FAT3: variants seen among roughly 807,000 people sequenced by gnomAD.
FAT3 encodes the protein protocadherin Fat 3.
Under a neutral mutation model 310.2 loss-of-function variants are expected in FAT3, and 95 were observed. The ratio of observed to expected loss-of-function variants is 0.31; its 90% CI spans 0.26 to 0.36. The LOEUF (loss-of-function observed/expected upper bound fraction) is 0.36. Ranked by LOEUF, FAT3 falls within the 10% of genes least tolerant of loss-of-function variation. FAT3 has a pLI of 1.00. For missense variants in FAT3, 5,408 were observed against 5,715.6 expected, an observed-to-expected ratio of 0.95 and a Z score of 1.74; for synonymous variants, 2,314 against 2,192.9, an observed-to-expected ratio of 1.06 and a Z score of -1.54.
chr11:92,890,199 G>C (rs1240129685), intron 27 of FAT3, among the ~76,000 whole-genome samples: 1 of 152,188 alleles, frequency 6.6e-6, no homozygotes, highest in Non-Finnish European at 1.5e-5. Context: ...AAGAGGGAGT[G>C]GGGACAGTAC....
chr11:92,806,765 A>G (rs944425044), intron 12 of FAT3, among the ~76,000 whole-genome samples: 1 of 152,182 alleles, frequency 6.6e-6, no homozygotes, highest in Non-Finnish European at 1.5e-5. Context: ...AAGAGACCCA[A>G]AGAAAAGCCA....
chr11:92,793,073 G>GGAAC, intron 9 of FAT3, 96 bp downstream of exon 9: 1 of 1,302,566 alleles, frequency 7.7e-7, no homozygotes, highest in Non-Finnish European at 1.1e-6. Flanking sequence ...CATTAACAGT[G>GGAAC]GAACATCTCT....
chr11:92,299,875 G>A (rs1184134564), intron 1 of FAT3, among the ~76,000 whole-genome samples: 1 of 152,114 alleles, frequency 6.6e-6, no homozygotes, highest in Admixed American at 6.6e-5. Context: ...GTTATGAATT[G>A]TAAAGCCTTC....
intron 2 of FAT3, among the ~76,000 whole-genome samples, chr11:92,377,644 A>G (rs982283932): frequency 7.2e-5 from 11 of 152,196 alleles, no homozygotes; most frequent in Admixed American, 6.5e-5. Context: ...GATCAGCTGT[A>G]TATTCCTCTC....
intron 4 of FAT3, among the ~76,000 whole-genome samples, chr11:92,729,664 AT>A (rs1945114529): frequency 6.6e-6 from 1 of 151,800 alleles, no homozygotes; most frequent in African/African-American, 2.4e-5. Flanking sequence ...TGACCTCGTG[AT>A]CCACCCACCT....
intron 9 of FAT3, among the ~76,000 whole-genome samples, chr11:92,795,353 T>C (rs1459534069): frequency 6.6e-6 from 1 of 151,986 alleles, no homozygotes; most frequent in African/African-American, 2.4e-5. Flanking sequence ...GTGTACTAGA[T>C]AAGGAATGAT....
At chr11:92,287,697 T>C (rs369614134) in intron 1 of FAT3, among the ~76,000 whole-genome samples, 35 of 152,286 alleles carry the variant, frequency 2.3e-4, no homozygotes, top group African/African-American at 7.7e-4. Context: ...ATCCCTGTGG[T>C]TTCTTTCTTT....
At chr11:92,567,294 A>T (rs1209655161) in intron 3 of FAT3, among the ~76,000 whole-genome samples, 6 of 143,176 alleles carry the variant, frequency 4.2e-5, no homozygotes, top group Non-Finnish European at 7.6e-5. Flanking sequence ...AATGCTCACC[A>T]TCACTGGCCA....
At chr11:92,654,904 A>G (rs1942524628) in intron 3 of FAT3, among the ~76,000 whole-genome samples, 1 of 152,176 alleles carries the variant, frequency 6.6e-6, no homozygotes, top group Admixed American at 6.5e-5. Context: ...ACATGACCTC[A>G]CCAAGTCATC....
At chr11:92,434,849 A>C (rs1394205495) in intron 2 of FAT3, among the ~76,000 whole-genome samples, 8 of 152,170 alleles carry the variant, frequency 5.3e-5, no homozygotes, top group Admixed American at 2.0e-4. Flanking sequence ...ATATGATCTG[A>C]AAATCAGTGT....
intron 2 of FAT3, among the ~76,000 whole-genome samples, chr11:92,488,187 G>C (rs75203453): frequency 0.061 from 9,322 of 152,142 alleles, 324 homozygotes; most frequent in African/African-American, 0.085. Context: ...AGAAGCCAGG[G>C]ATCACAGTCC....
At chr11:92,636,089 G>A (rs535489222) in intron 3 of FAT3, among the ~76,000 whole-genome samples, 60 of 152,116 alleles carry the variant, frequency 3.9e-4, no homozygotes, top group African/African-American at 1.3e-3. Context: ...TCAGCCTCCC[G>A]AGTAACTGGG....
rs1646097297 is a variant in FAT3 at position 92,850,107 on chromosome 11, G to T, written c.11365+5375G>T. ...ATAGCAGAGAAGAATCTGAAATTGG[G>T]TTTGCACTTTGGCCGGGGTTTGCTA... On this transcript the variant is annotated intron_variant, in intron 19 of 27. Coordinates refer to ENST00000525166, the MANE Select transcript of FAT3 (RefSeq NM_001367949.2). Among the ~76,000 whole-genome samples the T allele has an allele frequency of 2.6e-5, 4 of 152,324 alleles. No individual in the cohort carries two copies. The South Asian group carries it at 8.3e-4, about 32-fold the overall frequency.
chr11:92,662,138 A>T (rs1257334343), intron 3 of FAT3, among the ~76,000 whole-genome samples: 1 of 152,222 alleles, frequency 6.6e-6, no homozygotes, highest in African/African-American at 2.4e-5. Flanking sequence ...CTAAGGACAT[A>T]TCCATTCCTA....
At chr11:92,264,538 C>T (rs2134316054) in intron 1 of FAT3, among the ~76,000 whole-genome samples, 1 of 152,244 alleles carries the variant, frequency 6.6e-6, no homozygotes, top group East Asian at 1.9e-4. Flanking sequence ...AGAATAACCG[C>T]TATTGCATAC....
intron 3 of FAT3, among the ~76,000 whole-genome samples, chr11:92,547,659 A>G (rs865848609): frequency 1.1e-4 from 17 of 151,930 alleles, no homozygotes; most frequent in Admixed American, 9.2e-4. Flanking sequence ...TGTGTACCAC[A>G]TGCATGTATG....
intron 4 of FAT3, among the ~76,000 whole-genome samples, chr11:92,710,760 G>A (rs536664788): frequency 7.9e-5 from 12 of 152,094 alleles, no homozygotes; most frequent in South Asian, 2.1e-4. Context: ...CCATTTACCC[G>A]TCTTCAAAAA....
At chr11:92,657,348 A>G (rs1454767117) in intron 3 of FAT3, among the ~76,000 whole-genome samples, 2 of 152,310 alleles carry the variant, frequency 1.3e-5, no homozygotes, top group Admixed American at 6.5e-5. Context: ...TAGTCATTTC[A>G]TGCTTCCTGG....
At chr11:92,622,272 ACT>A (rs1473742819) in intron 3 of FAT3, among the ~76,000 whole-genome samples, 2 of 130,044 alleles carry the variant, frequency 1.5e-5, no homozygotes, top group Non-Finnish European at 3.5e-5. Context: ...CAAGAGCAAG[ACT>A]CCATCTCAAA....
Sources: gnomAD v4.1 joint callset for allele counts (sites outside exome capture counted in the v4.1 genomes callset) on GRCh38, gnomAD v4.1.1 for gene constraint, MANE v1.5 for transcripts, NCBI Gene and HGNC (gene_info 2026-07-23, HGNC 2026-07-21) for gene names.